Variants in RBFOX3 observed in about 807,000 individuals in gnomAD.
RBFOX3 encodes the protein RNA binding fox-1 homolog 3, also known as RNA binding protein fox-1 homolog 3.
Under a neutral mutation model 48.7 loss-of-function variants are expected in RBFOX3, and 17 were observed. The observed-to-expected ratio is 0.35, with a 90% CI of 0.24 to 0.52. RBFOX3 has a LOEUF of 0.52. RBFOX3 is among the 20% of genes least tolerant of loss of function. RBFOX3 has a pLI of 0.94. For synonymous variants in RBFOX3, 212 were observed against 209.5 expected, an observed-to-expected ratio of 1.01 and a Z score of -0.10; for missense variants, 382 against 497.5, an observed-to-expected ratio of 0.77 and a Z score of 2.21.
chr17:79,468,821 AGGATGGAT>A (rs201335709), intron 2 of RBFOX3, among the ~76,000 whole-genome samples: 8 of 146,592 alleles, frequency 5.5e-5, no homozygotes, highest in African/African-American at 1.0e-4. Flanking sequence ...GACAGGCAGG[AGGATGGAT>A]GGATGGATGG....
intron 2 of RBFOX3, among the ~76,000 whole-genome samples, chr17:79,419,675 T>C (rs1281275622): frequency 1.3e-5 from 2 of 152,164 alleles, no homozygotes; most frequent in Admixed American, 1.3e-4. Flanking sequence ...GCAGTCCCCC[T>C]CACAATGTGG....
At chr17:79,422,747 ACTTCATATGTTGCAGCC>A (rs2066651403) in intron 2 of RBFOX3, among the ~76,000 whole-genome samples, 1 of 151,728 alleles carries the variant, frequency 6.6e-6, no homozygotes, top group Admixed American at 6.6e-5. Context: ...CCCCTCCCCA[ACTTCATATGTTGCAGCC>A]CTGACCCCCC....
intron 2 of RBFOX3, among the ~76,000 whole-genome samples, chr17:79,456,886 G>A (rs2074588990): frequency 6.6e-6 from 1 of 152,252 alleles, no homozygotes; most frequent in Non-Finnish European, 1.5e-5. Context: ...GCACAGGGCT[G>A]CCTCCTCCCA....
chr17:79,628,706 G>C, the RBFOX3 span, among the ~76,000 whole-genome samples: 3 of 152,164 alleles, frequency 2.0e-5, no homozygotes, highest in African/African-American at 4.8e-5. Context: ...GCAATTCCCT[G>C]TCTCCCACCA....
intron 1 of RBFOX3, among the ~76,000 whole-genome samples, chr17:79,493,342 G>T (rs2080972297): frequency 6.6e-6 from 1 of 152,168 alleles, no homozygotes; most frequent in African/African-American, 2.4e-5. Flanking sequence ...CACGAGAGTT[G>T]GAGGGGGACA....
In RBFOX3 at chr17:79,416,684, T is replaced by G. The variant is rs1555719251; in HGVS notation, c.-175+65770A>C. 7.3e-5 allele frequency among the ~76,000 whole-genome samples: 11 copies of G among 151,382 alleles called. No homozygotes were observed. The South Asian group carries it at 1.5e-3, about 20-fold the overall frequency. On this transcript the variant is annotated intron_variant, in intron 2 of 14. Coordinates refer to ENST00000693108, the MANE Select transcript of RBFOX3 (RefSeq NM_001350451.2). ...CCTCCCCCGCACCCACCCCTCCAGG[T>G]TGGGATGGGGCTGCCACTCAGGCTT...
rs979863853 is a variant in RBFOX3, at chr17:79,586,749, G to T, written c.-320+24077C>A. On this transcript the variant is annotated intron_variant, in intron 1 of 14. Transcript: ENST00000693108. ...AGTTCTCAGAAGCATCCTCTCCCGG[G>T]TTTCTCTGGAGAGCCCACCTTGTTT... Among the ~76,000 whole-genome samples, 121 of 152,272 alleles carry T rather than the reference G, an allele frequency of 7.9e-4. 3 individuals carry two copies. The South Asian group carries it at 0.019, about 23-fold the overall frequency.
chr17:79,327,598 A>C (rs1308897600), intron 2 of RBFOX3, among the ~76,000 whole-genome samples: 7 of 152,242 alleles, frequency 4.6e-5, no homozygotes, highest in Non-Finnish European at 1.0e-4. Context: ...TGTTTTAAAA[A>C]ACTACAGTCC....
At chr17:79,427,423 C>T (rs560200499) in intron 2 of RBFOX3, among the ~76,000 whole-genome samples, 25 of 152,322 alleles carry the variant, frequency 1.6e-4, no homozygotes, top group Non-Finnish European at 2.4e-4. Flanking sequence ...GGGGCCTTCC[C>T]GGGCTGTGCC....
chr17:79,444,135 A>T (rs932171426), intron 2 of RBFOX3, among the ~76,000 whole-genome samples: 2 of 152,132 alleles, frequency 1.3e-5, no homozygotes, highest in Non-Finnish European at 2.9e-5. Flanking sequence ...GGATACATTG[A>T]GAGGGACAAG....
intron 1 of RBFOX3, chr17:79,603,763 C>T (rs2093763584): frequency 6.6e-6 from 1 of 152,312 alleles, no homozygotes; most frequent in African/African-American, 2.4e-5. Context: ...CCACTCACCA[C>T]ATCAGCGGCT....
At chr17:79,485,533 C>A (rs1598897506) in intron 1 of RBFOX3, among the ~76,000 whole-genome samples, 1 of 145,390 alleles carries the variant, frequency 6.9e-6, no homozygotes, top group African/African-American at 2.5e-5. Context: ...TGCTCTTGCT[C>A]CTCCCCCATC....
intron 1 of RBFOX3, among the ~76,000 whole-genome samples, chr17:79,593,857 G>C (rs1262180470): frequency 6.6e-6 from 1 of 152,192 alleles, no homozygotes; most frequent in African/African-American, 2.4e-5. Flanking sequence ...GAAATTGAGA[G>C]AGTATGGCAC....
chr17:79,478,061 G>T (rs370664226), intron 2 of RBFOX3, among the ~76,000 whole-genome samples: 1 of 152,118 alleles, frequency 6.6e-6, no homozygotes, highest in Non-Finnish European at 1.5e-5. Flanking sequence ...CCCTCTCCCC[G>T]CTGCCAAGCA....
chr17:79,442,357 G>A (rs1428012563), intron 2 of RBFOX3, among the ~76,000 whole-genome samples: 2 of 30,918 alleles, frequency 6.5e-5, no homozygotes, highest in Non-Finnish European at 6.3e-5. Context: ...GGGAGGAAGA[G>A]GGGGGGAGAG....
chr17:79,527,221 C>T (rs999829173), intron 1 of RBFOX3, among the ~76,000 whole-genome samples: 12 of 152,268 alleles, frequency 7.9e-5, no homozygotes, highest in Admixed American at 6.5e-5. Context: ...GCAGAGCACG[C>T]CTGCCACCTC....
intron 3 of RBFOX3, among the ~76,000 whole-genome samples, chr17:79,293,760 T>G (rs575231119): frequency 7.0e-4 from 106 of 152,286 alleles, no homozygotes; most frequent in Non-Finnish European, 1.3e-3. Flanking sequence ...CCTGAGCCAT[T>G]CTTGCTTTAG....
chr17:79,193,895 A>C (rs2055010576), intron 4 of RBFOX3, among the ~76,000 whole-genome samples: 1 of 150,584 alleles, frequency 6.6e-6, no homozygotes, highest in Non-Finnish European at 1.5e-5. Context: ...CCACTGGGGG[A>C]GGTAGGTGTT....
chr17:79,348,557 T>A (rs2083292187), intron 2 of RBFOX3, among the ~76,000 whole-genome samples: 1 of 148,086 alleles, frequency 6.8e-6, no homozygotes, highest in African/African-American at 2.5e-5. Flanking sequence ...ACAAACCCAA[T>A]TTCTTTTCTT....
Sources: gnomAD v4.1 joint callset for allele counts (sites outside exome capture counted in the v4.1 genomes callset) on GRCh38, gnomAD v4.1.1 for gene constraint, MANE v1.5 for transcripts, NCBI Gene and HGNC (gene_info 2026-07-23, HGNC 2026-07-21) for gene names.